Variants in ADGRV1 observed in about 807,000 individuals in gnomAD.
The protein encoded by ADGRV1 is adhesion G protein-coupled receptor V1.
A neutral mutation model predicts 596.2 loss-of-function variants in ADGRV1; 359 were observed. The ratio of observed to expected loss-of-function variants is 0.60; its 90% CI spans 0.55 to 0.66. The LOEUF is 0.66. Ranked by LOEUF, ADGRV1 falls within the 30% of genes least tolerant of loss-of-function variation. The pLI, the probability that ADGRV1 is intolerant of heterozygous loss-of-function variation, is 0.00. For synonymous variants in ADGRV1, 2,681 were observed against 2,679.2 expected, an observed-to-expected ratio of 1.00 and a Z score of -0.02; for missense variants, 7,274 against 7,575.6, an observed-to-expected ratio of 0.96 and a Z score of 1.48.
chr5:90,755,684 AAG>A (rs1221354212), intron 55 of ADGRV1, among the ~76,000 whole-genome samples: 6 of 144,878 alleles, frequency 4.1e-5, no homozygotes, highest in African/African-American at 1.1e-4. Context: ...AGAACAGAGA[AAG>A]AGAGGGGGAG....
chr5:90,880,753 A>T (rs1012796193), intron 83 of ADGRV1, among the ~76,000 whole-genome samples: 6 of 152,222 alleles, frequency 3.9e-5, no homozygotes, highest in African/African-American at 1.4e-4. Flanking sequence ...AACTTGTAAC[A>T]ATAGCAGCAA....
At chr5:91,014,175 C>CACACACACACACACACACACACACACACA (rs56200811) in intron 85 of ADGRV1, among the ~76,000 whole-genome samples, 111 of 143,572 alleles carry the variant, frequency 7.7e-4, no homozygotes, top group South Asian at 1.3e-3. Flanking sequence ...CACACACACA[C>CACACACACACACACACACACACACACACA]CCCTAGACAT....
chr5:90,859,668 T>C (rs1581348345), intron 82 of ADGRV1, among the ~76,000 whole-genome samples: 1 of 152,284 alleles, frequency 6.6e-6, no homozygotes, highest in East Asian at 1.9e-4. Context: ...CACTCTCCAA[T>C]AGAGTTTTCC....
chr5:91,075,665 T>G (rs1788790926), intron 86 of ADGRV1, among the ~76,000 whole-genome samples: 1 of 152,198 alleles, frequency 6.6e-6, no homozygotes, highest in African/African-American at 2.4e-5. Flanking sequence ...ATACTTGGAC[T>G]TCCACAGCAG....
At chr5:90,765,578 A>G (rs116548784) in intron 59 of ADGRV1, among the ~76,000 whole-genome samples, 2,255 of 152,290 alleles carry the variant, frequency 0.015, 46 homozygotes, top group African/African-American at 0.05. Context: ...CATATAATCA[A>G]ATCAGAGTAA....
At chr5:90,776,836 G>A (rs1044986365) in intron 61 of ADGRV1, among the ~76,000 whole-genome samples, 4 of 152,118 alleles carry the variant, frequency 2.6e-5, no homozygotes, top group African/African-American at 9.7e-5. Flanking sequence ...AGCACATGGA[G>A]TTGAGATCAG....
At chr5:91,027,816 T>G (rs186782568) in intron 85 of ADGRV1, among the ~76,000 whole-genome samples, 1 of 152,308 alleles carries the variant, frequency 6.6e-6, no homozygotes, top group East Asian at 1.9e-4. Context: ...GTACAATAGT[T>G]AAGTCTAATT....
intron 43 of ADGRV1, chr5:90,717,754 C>T (rs1012893982): frequency 1.2e-4 from 18 of 152,178 alleles, no homozygotes; most frequent in African/African-American, 4.3e-4. Flanking sequence ...ATCCGCCCGC[C>T]TCAGCCTCCC....
intron 78 of ADGRV1, among the ~76,000 whole-genome samples, chr5:90,847,145 C>A (rs1357633541): frequency 6.6e-6 from 1 of 151,578 alleles, no homozygotes; most frequent in Non-Finnish European, 1.5e-5. Flanking sequence ...CCAATTGGTG[C>A]ATTCACAAAC....
At chr5:90,745,024 G>A in intron 50 of ADGRV1, 22 bp from the exon 51 acceptor site, 2 of 1,584,432 alleles carry the variant, frequency 1.3e-6, no homozygotes, top group Non-Finnish European at 1.7e-6. Context: ...CACTCAAGTT[G>A]TTTTTTCTTT....
intron 86 of ADGRV1, among the ~76,000 whole-genome samples, chr5:91,094,756 G>A (rs1471013852): frequency 6.6e-6 from 1 of 152,194 alleles, no homozygotes; most frequent in Non-Finnish European, 1.5e-5. Flanking sequence ...AGTGTGATGA[G>A]AAGAGGGATA....
intron 11 of ADGRV1, chr5:90,640,970 G>C (rs1315139573): frequency 6.6e-6 from 1 of 152,536 alleles, no homozygotes; most frequent in East Asian, 1.9e-4. Flanking sequence ...TACAGGTCTT[G>C]GGAAATTTTG....
chr5:91,033,893 T>C (rs1299245283), intron 85 of ADGRV1, among the ~76,000 whole-genome samples: 2 of 152,200 alleles, frequency 1.3e-5, no homozygotes, highest in Admixed American at 6.5e-5. Context: ...TTCACATTTT[T>C]ACATTTAACA....
At chr5:90,811,471 T>C in intron 74 of ADGRV1, 133 bp downstream of exon 74, 4 of 840,536 alleles carry the variant, frequency 4.8e-6, no homozygotes, top group Non-Finnish European at 7.1e-6. Flanking sequence ...TAAAGTGTTG[T>C]TTTTCTGTAG....
In ADGRV1 at chr5:90,690,937, G is replaced by A. The variant is rs756883965; in HGVS notation, c.6847G>A (p.Gly2283Ser). Residue 2283 changes from glycine to serine, a missense_variant, in exon 31 of 90, where the codon GGC becomes AGC. Gly to Ser is a moderately conservative substitution (Grantham distance 56). This residue lies in a region of ADGRV1 where 3,643 missense variants were observed against 3,809.2 expected (regional missense o/e 0.96). Transcript: ENST00000405460. ...CACCATTAATGGACAGCTTGCTACT[G>A]GCGACCTGCGAGTTGTCTCAGGTAA... ...VATINGQLAT[G>S]DLRVVSGNVT... 1.2e-6 allele frequency: 2 copies of A among 1,613,804 alleles called. No individual in the cohort carries two copies. The highest frequency in any genetic ancestry group is 1.7e-6 in the Non-Finnish European group (2 of 1,179,806).
chr5:91,102,939 A>G (rs995698051), intron 87 of ADGRV1, among the ~76,000 whole-genome samples: 25 of 152,218 alleles, frequency 1.6e-4, no homozygotes, highest in Admixed American at 7.2e-4. Context: ...TTGCACCCTG[A>G]TATTAACAAA....
At chr5:90,657,201 C>G (rs1398661882) in intron 20 of ADGRV1, among the ~76,000 whole-genome samples, 1 of 150,502 alleles carries the variant, frequency 6.6e-6, no homozygotes, top group African/African-American at 2.4e-5. Context: ...TTGGGAGGAT[C>G]GCTTGAGGCC....
chr5:91,046,409 G>A (rs1376577477), intron 85 of ADGRV1, among the ~76,000 whole-genome samples: 1 of 152,148 alleles, frequency 6.6e-6, no homozygotes, highest in South Asian at 2.1e-4. Flanking sequence ...AACATAAAGT[G>A]AGGAAAGATA....
Position 91,107,416 on chromosome 5 carries a change from CGTTTT to C in ADGRV1, c.18432+5087_18432+5091del, listed in dbSNP as rs1791982068. On this transcript the variant is annotated intron_variant, in intron 87 of 89. Transcript: ENST00000405460. ...CTCTGAGGGAGGAGTAGGAATGTTTCGTTTTGTTTTGTTTTTGTTTTTGTTTTTGT... is the reference window on the plus strand; with the variant it reads ...CTCTGAGGGAGGAGTAGGAATGTTTCGTTTTGTTTTTGTTTTTGTTTTTGT... Among the ~76,000 whole-genome samples the C allele has an allele frequency of 2.1e-5, 3 of 142,200 alleles. No homozygotes were observed. In the South Asian group the frequency reaches 7.1e-4, roughly 34 times the overall value. The allele number at this position is 142,200 out of a possible 152,430, so 93.3% of individuals were successfully genotyped here.
Sources: allele counts gnomAD v4.1 joint callset (sites outside exome capture counted in the v4.1 genomes callset), GRCh38; gene constraint gnomAD v4.1.1; regional missense constraint gnomAD v4.1.1; transcripts MANE v1.5; gene names NCBI Gene and HGNC (gene_info 2026-07-23, HGNC 2026-07-21).